The following GRAMD2B variants were observed in gnomAD, a reference collection of about 807,000 sequenced individuals.
The protein encoded by GRAMD2B is GRAM domain containing 2B, also known as GRAM domain-containing protein 2B.
In GRAMD2B, 41 loss-of-function variants were observed where a neutral mutation model predicts 59.2. That is an observed-to-expected ratio of 0.69 (90% confidence interval 0.54 to 0.90). The LOEUF (loss-of-function observed/expected upper bound fraction) is 0.90, where lower values mean the gene tolerates loss of function less well. Among genes scored for constraint, GRAMD2B ranks in the 40% least tolerant of loss-of-function variants. The pLI is 0.00. For synonymous variants in GRAMD2B, 161 were observed against 182.7 expected (o/e 0.88, Z 0.96); for missense variants, 424 against 500.5 (o/e 0.85, Z 1.46).
At chr5:126,490,619 A>C (rs1773750055) in intron 13 of GRAMD2B, among the ~76,000 whole-genome samples, 1 of 152,192 alleles carries the variant, frequency 6.6e-6, no homozygotes, top group South Asian at 2.1e-4. Flanking sequence ...TAAGTATTAA[A>C]AAAGAGGTAC....
At chr5:126,402,707 C>T (rs1292143421) in intron 1 of GRAMD2B, among the ~76,000 whole-genome samples, 1 of 151,998 alleles carries the variant, frequency 6.6e-6, no homozygotes, top group Non-Finnish European at 1.5e-5. Context: ...ATTTATCTCA[C>T]TTTGTGGGAA....
chr5:126,372,154 A>T lies in GRAMD2B; in HGVS notation c.125+587A>T, dbSNP rs371119625. On this transcript the variant is annotated intron_variant, in intron 1 of 8. Coordinates refer to the GRAMD2B transcript ENST00000506445. ...TTAATATCCACATCAACACCACTCT[A>T]ATAACTACATATTTTTCATGAAAAT... Among the ~76,000 whole-genome samples the T allele has an allele frequency of 3.9e-5, 6 of 152,170 alleles. No individual in the cohort carries two copies. The East Asian group carries it at 9.6e-4, about 24-fold the overall frequency.
intron 1 of GRAMD2B, among the ~76,000 whole-genome samples, chr5:126,361,185 T>C (rs749623124): frequency 9.9e-5 from 15 of 152,170 alleles, no homozygotes; most frequent in Non-Finnish European, 2.1e-4. Flanking sequence ...TAAATAATTG[T>C]ATTGAAGGGT....
intron 1 of GRAMD2B, among the ~76,000 whole-genome samples, chr5:126,362,896 A>G (rs147183649): frequency 6.6e-6 from 1 of 152,348 alleles, no homozygotes; most frequent in East Asian, 1.9e-4. Context: ...CGAGTAAATA[A>G]TCATTGGGTT....
intron 1 of GRAMD2B, among the ~76,000 whole-genome samples, chr5:126,451,513 G>A (rs1581078926): frequency 6.6e-6 from 1 of 152,110 alleles, no homozygotes; most frequent in South Asian, 2.1e-4. Context: ...TCCAGTGCCT[G>A]TACCACCATT....
At chr5:126,393,230 T>G (rs1431970924) in intron 1 of GRAMD2B, among the ~76,000 whole-genome samples, 2 of 152,190 alleles carry the variant, frequency 1.3e-5, no homozygotes, top group Middle Eastern at 3.2e-3. Context: ...AACTGACTAA[T>G]TTCAAAACAT....
rs62622018 is a variant in GRAMD2B at position 126,480,486 on chromosome 5, T to A, written c.613T>A (p.Ser205Thr). 1,279 of 1,613,326 alleles carry A rather than the reference T, an allele frequency of 7.9e-4. 1 individual carries two copies. Among genetic ancestry groups the A allele is most frequent in the Admixed American group, 2.2e-3 (132 of 60,030 alleles). ...ATTTGTCTCCTTACTCTCCAGAGAT[T>A]CAACTTACAAACTACTAAAATCTGT... Reference protein sequence around the residue: ...YIFVSLLSRDSTYKLLKSVCG... With the variant: ...YIFVSLLSRDTTYKLLKSVCG... Residue 205 changes from serine (S) to threonine (T), a missense_variant, in exon 7 of 14, where the codon TCA becomes ACA. By Grantham distance (58) the Ser-to-Thr change is moderately conservative. Coordinates refer to ENST00000285689, the MANE Select transcript of GRAMD2B (RefSeq NM_023927.4).
chr5:126,427,589 A>G (rs955383005), intron 1 of GRAMD2B, among the ~76,000 whole-genome samples: 1 of 152,222 alleles, frequency 6.6e-6, no homozygotes, highest in Non-Finnish European at 1.5e-5. Flanking sequence ...CATTTACCTT[A>G]AAAGGAAGCG....
At chr5:126,417,087 G>T (rs1158059023) in intron 1 of GRAMD2B, among the ~76,000 whole-genome samples, 2 of 152,342 alleles carry the variant, frequency 1.3e-5, no homozygotes, top group Non-Finnish European at 2.9e-5. Flanking sequence ...AGTATCTATA[G>T]TCAGAGGGCC....
At chr5:126,461,594 G>A (rs1767376352) in intron 1 of GRAMD2B, among the ~76,000 whole-genome samples, 1 of 152,136 alleles carries the variant, frequency 6.6e-6, no homozygotes, top group Non-Finnish European at 1.5e-5. Context: ...GAGGCCAGGA[G>A]TTCGAGACCA....
chr5:126,486,737 T>A, intron 11 of GRAMD2B, 136 bp from the exon 12 acceptor site: 1 of 606,574 alleles, frequency 1.6e-6, no homozygotes, highest in Non-Finnish European at 3.0e-6. Flanking sequence ...TTAAAAAGGA[T>A]GTTTTTAAAA....
intron 8 of GRAMD2B, 29 bp from the exon 9 acceptor site, chr5:126,483,434 C>A: frequency 2.2e-6 from 3 of 1,375,310 alleles, no homozygotes; most frequent in Non-Finnish European, 3.1e-6. Flanking sequence ...GGAATATCAG[C>A]CTGTCTTCAT....
chr5:126,440,462 G>A (rs1337763160), intron 1 of GRAMD2B, among the ~76,000 whole-genome samples: 8 of 152,114 alleles, frequency 5.3e-5, no homozygotes, highest in Non-Finnish European at 1.2e-4. Flanking sequence ...CCTAATGAAG[G>A]TTCAGAAGGA....
intron 1 of GRAMD2B, among the ~76,000 whole-genome samples, chr5:126,401,054 C>T (rs1303268852): frequency 6.6e-6 from 1 of 151,954 alleles, no homozygotes; most frequent in Non-Finnish European, 1.5e-5. Context: ...CTTTCAGAGG[C>T]TCTCGTAATG....
intron 1 of GRAMD2B, among the ~76,000 whole-genome samples, chr5:126,423,986 A>G (rs755216677): frequency 9.9e-5 from 15 of 152,232 alleles, no homozygotes; most frequent in Non-Finnish European, 2.2e-4. Flanking sequence ...TTGAAGCTCA[A>G]AGTCCCAACA....
intron 1 of GRAMD2B, among the ~76,000 whole-genome samples, chr5:126,394,396 G>C (rs925825289): frequency 6.6e-6 from 1 of 152,150 alleles, no homozygotes; most frequent in African/African-American, 2.4e-5. Context: ...TTATATGGTA[G>C]AGTAAATCTA....
Position 126,416,311 on chromosome 5 carries a change from C to T in GRAMD2B, c.125+44744C>T, listed in dbSNP as rs545166226. ...TTTGTTATGAGGAGGAAATTATTGTCATATTTCTTTTTCGCTTACTTCTTT... is the reference window on the plus strand; with the variant it reads ...TTTGTTATGAGGAGGAAATTATTGTTATATTTCTTTTTCGCTTACTTCTTT... On this transcript the variant is annotated intron_variant, in intron 1 of 8. Transcript: ENST00000506445. Among the ~76,000 whole-genome samples the T allele has an allele frequency of 3.9e-5, 6 of 152,090 alleles. No individual in the cohort carries two copies. In the South Asian group the frequency reaches 1.2e-3, roughly 32 times the overall value.
chr5:126,472,714 A>G (rs1290144151), intron 4 of GRAMD2B, among the ~76,000 whole-genome samples: 1 of 152,166 alleles, frequency 6.6e-6, no homozygotes, highest in Non-Finnish European at 1.5e-5. Context: ...TAAGATAGTC[A>G]CCTAAATATC....
At chr5:126,472,527 C>T (rs1769809380) in intron 4 of GRAMD2B, among the ~76,000 whole-genome samples, 1 of 152,156 alleles carries the variant, frequency 6.6e-6, no homozygotes, top group Non-Finnish European at 1.5e-5. Context: ...TATGGAGTCA[C>T]CCAAGATGGT....
Sources: gnomAD v4.1 joint callset for allele counts (sites outside exome capture counted in the v4.1 genomes callset) on GRCh38, gnomAD v4.1.1 for gene constraint, MANE v1.5 for transcripts, NCBI Gene and HGNC (gene_info 2026-07-23, HGNC 2026-07-21) for gene names.